The following CYP2R1 variants were observed in gnomAD, a reference collection of about 807,000 sequenced individuals.
The protein encoded by CYP2R1 is cytochrome P450 family 2 subfamily R member 1.
In CYP2R1, 40 loss-of-function variants were observed where a neutral mutation model predicts 45.7. The ratio of observed to expected loss-of-function variants is 0.87; its 90% CI spans 0.68 to 1.14. CYP2R1 has a LOEUF of 1.14. Ranked by LOEUF, CYP2R1 falls within the 50% of genes most tolerant of loss-of-function variation. The probability of loss-of-function intolerance (pLI) is 0.00; values close to 1 mark genes in which losing one functional copy is unlikely to be tolerated. For missense variants in CYP2R1, 605 were observed against 602.6 expected, an observed-to-expected ratio of 1.00 and a Z score of -0.04; for synonymous variants, 234 against 219.3, an observed-to-expected ratio of 1.07 and a Z score of -0.59.
chr11:14,888,308 C>G lies in CYP2R1; in HGVS notation c.226-2391G>C, dbSNP rs1848696048. On this transcript the variant is annotated intron_variant, in intron 1 of 4. Coordinates refer to ENST00000334636, the MANE Select transcript of CYP2R1 (RefSeq NM_024514.5). ...ACTGCTATATCTCTAGCACCTAGGACAGTGCACAGCATATGACAATAGAAA... is the reference window on the plus strand; with the variant it reads ...ACTGCTATATCTCTAGCACCTAGGAGAGTGCACAGCATATGACAATAGAAA... 3.3e-5 allele frequency among the ~76,000 whole-genome samples: 5 copies of G among 152,304 alleles called. 1 individual carries two copies. In the South Asian group the frequency reaches 1.0e-3, roughly 32 times the overall value.
chr11:14,880,187 TG>T lies in CYP2R1; in HGVS notation c.948del (p.Asn317MetfsTer26). 1 of 1,612,972 alleles carries T rather than the reference TG, an allele frequency of 6.2e-7. No individual in the cohort carries two copies. Among genetic ancestry groups the T allele is most frequent in the Non-Finnish European group, 8.5e-7 (1 of 1,179,342 alleles). ...AAAAGAATCGCCCACCGTAGCACAT[TG>T]GTTGTAGTTTCAGTTCCAGCAATGA... ...ELIIAGTETT[T>X]NVLRWAILFM... On this transcript the variant is annotated frameshift_variant, in exon 3 of 5. Transcript: ENST00000334636. LOFTEE classifies it high-confidence loss of function.
chr11:14,880,530 A>T lies in CYP2R1; in HGVS notation c.606T>A (p.Tyr202Ter), dbSNP rs782443909. 1 of 1,613,542 alleles carries T rather than the reference A, an allele frequency of 6.2e-7. No individual in the cohort carries two copies. Among genetic ancestry groups the T allele is most frequent in the South Asian group, 1.1e-5 (1 of 91,068 alleles). ...TCATGTGCTGAAAATCGGTGTCTTC[A>T]TAAGTGAATCGTTCTCCAAAAATGA... is the stretch of plus-strand genomic sequence containing the variant. ...NLIIFGERFT[Y>*]EDTDFQHMIE... Residue 202 changes from tyrosine (Y) to a stop codon, truncating the protein, a stop_gained, in exon 3 of 5, where the codon TAT becomes TAA. Transcript: ENST00000334636. LOFTEE classifies it high-confidence loss of function.
At chr11:14,890,490 G>C (rs1204046119) in intron 1 of CYP2R1, 26 of 934,992 alleles carry the variant, frequency 2.8e-5, no homozygotes, top group Non-Finnish European at 3.3e-5. Context: ...ACCATGAAAG[G>C]AACGTAAACC....
chr11:14,885,698 G>A, intron 2 of CYP2R1, 78 bp downstream of exon 2: 3 of 1,431,172 alleles, frequency 2.1e-6, no homozygotes, highest in Non-Finnish European at 2.9e-6. Context: ...AATCCCAACT[G>A]TATGCACTAA....
In CYP2R1 at chr11:14,878,218, A is replaced by G; in HGVS notation, c.1410T>C (p.His470=). ...GAACTAGTTCATGTGGAAAATGCAA[A>G]TGAAACCTCTGAAGCAATGCTGTAA... ...LFFTALLQRF[H]LHFPHELVPD... The change falls in exon 5 of 5, where the codon CAT becomes CAC. Residue 470 remains histidine, a synonymous_variant. Coordinates refer to ENST00000334636, the MANE Select transcript of CYP2R1 (RefSeq NM_024514.5). 2 of 1,613,312 alleles carry G rather than the reference A, an allele frequency of 1.2e-6. No homozygotes were observed. Among genetic ancestry groups the G allele is most frequent in the East Asian group, 2.2e-5 (1 of 44,872 alleles).
At chr11:14,891,905 A>G in intron 1 of CYP2R1, 76 bp downstream of exon 1, 4 of 1,536,036 alleles carry the variant, frequency 2.6e-6, no homozygotes, top group Non-Finnish European at 3.5e-6. Flanking sequence ...GGCGGCCATA[A>G]GTCCAACCAG....
rs1848226877 is a variant in CYP2R1 at position 14,878,179 on chromosome 11, G to A, written c.1449C>T (p.Pro483=). ...GGGGCTGCAATGTCATGCCTAACCT[G>A]GGCTTCAGATCTGGAACTAGTTCAT... ...FPHELVPDLK[P]RLGMTLQPQP... is the part of the protein sequence containing the mutation. The change falls in exon 5 of 5, where the codon CCC becomes CCT. Residue 483 remains proline, a synonymous_variant. Transcript: ENST00000334636. 1 of 1,613,086 alleles carries A rather than the reference G, an allele frequency of 6.2e-7. No homozygotes were observed. Among genetic ancestry groups the A allele is most frequent in the Non-Finnish European group, 8.5e-7 (1 of 1,179,468 alleles).
At chr11:14,887,572 G>A in intron 1 of CYP2R1, 7 of 982,540 alleles carry the variant, frequency 7.1e-6, no homozygotes, top group Non-Finnish European at 8.5e-6. Flanking sequence ...TGCCAATTAT[G>A]GGCTAATTAT....
chr11:14,882,502 G>A lies in CYP2R1; in HGVS notation c.368-1734C>T, dbSNP rs372351876. Reference sequence around the variant, plus strand: ...ACACAAGAAGGTACAGAGGAGCACTGTTTATAAAAACCCTACACTGGCCAA... The same window carrying A: ...ACACAAGAAGGTACAGAGGAGCACTATTTATAAAAACCCTACACTGGCCAA... On this transcript the variant is annotated intron_variant, in intron 2 of 4. Coordinates refer to ENST00000334636, the MANE Select transcript of CYP2R1 (RefSeq NM_024514.5). 2.6e-5 allele frequency among the ~76,000 whole-genome samples: 4 copies of A among 152,108 alleles called. No homozygotes were observed. The East Asian group carries it at 7.7e-4, about 29-fold the overall frequency.
Position 14,883,529 on chromosome 11 carries a change from T to G in CYP2R1, c.367+2247A>C, listed in dbSNP as rs1297553900. On this transcript the variant is annotated intron_variant, in intron 2 of 4. Transcript: ENST00000334636. Reference sequence around the variant, plus strand: ...CCTTCCTTACACCTTATACAAAAATTAATTCAAGATGGATTAAAGACTTAA... The same window carrying G: ...CCTTCCTTACACCTTATACAAAAATGAATTCAAGATGGATTAAAGACTTAA... 2.2e-4 allele frequency among the ~76,000 whole-genome samples: 34 copies of G among 151,208 alleles called. 1 individual carries two copies. The highest frequency in any genetic ancestry group is 4.3e-4 in the Non-Finnish European group (29 of 67,406).
At chr11:14,891,626 A>T in intron 1 of CYP2R1, 6 of 1,088,162 alleles carry the variant, frequency 5.5e-6, no homozygotes, top group Non-Finnish European at 6.7e-6. Flanking sequence ...AGACGCCCGC[A>T]CCTGAGGGCA....
chr11:14,891,717 G>C, intron 1 of CYP2R1: 1 of 1,266,424 alleles, frequency 7.9e-7, no homozygotes, highest in Non-Finnish European at 1.0e-6. Flanking sequence ...TCGAGCGGTA[G>C]CGGGAAAATC....
At chr11:14,891,803 G>A (rs782739401) in intron 1 of CYP2R1, 178 bp downstream of exon 1, 259 of 1,408,644 alleles carry the variant, frequency 1.8e-4, no homozygotes, top group Non-Finnish European at 2.4e-4. Flanking sequence ...AAGGGGGCAC[G>A]GCGTCGAGGA....
At chr11:14,887,147 G>C (rs1269493806) in intron 1 of CYP2R1, 1 of 152,234 alleles carries the variant, frequency 6.6e-6, no homozygotes, top group Non-Finnish European at 1.5e-5. Context: ...TCGCAGAAGG[G>C]AACTTTAGCA....
Position 14,892,094 on chromosome 11 carries a change from C to A in CYP2R1, c.112G>T (p.Gly38Cys). 3 of 1,611,638 alleles carry A rather than the reference C, an allele frequency of 1.9e-6. No homozygotes were observed. The highest frequency in any genetic ancestry group is 2.5e-6 in the Non-Finnish European group (3 of 1,179,650). The part of the protein sequence containing the change: ...RQLLKQRRPM[G>C]FPPGPPGLPF... Reference sequence around the variant, plus strand: ...AGCCCCGGCGGCCCCGGGGGGAAGCCCATCGGCCGCCTCTGCTTCAGCAGC... The same window carrying A: ...AGCCCCGGCGGCCCCGGGGGGAAGCACATCGGCCGCCTCTGCTTCAGCAGC... The change falls in exon 1 of 5, where the codon GGC becomes TGC. Residue 38 changes from glycine to cysteine, a missense_variant. Transcript: ENST00000334636.
At chr11:14,883,508 C>A (rs1209581244) in intron 2 of CYP2R1, among the ~76,000 whole-genome samples, 1 of 150,982 alleles carries the variant, frequency 6.6e-6, no homozygotes, top group Admixed American at 6.6e-5. Flanking sequence ...TGGATCCCTT[C>A]CTTACACCTT....
chr11:14,879,141 T>C lies in CYP2R1; in HGVS notation c.1303A>G (p.Lys435Glu), dbSNP rs782683028. ...FLDSSGYFAK[K>E]EALVPFSLGR... ...AGGGAAAAAGGAACCAAAGCTTCCTTCTTGGCAAAATATCCACTGCTGTCC... is the reference window on the plus strand; with the variant it reads ...AGGGAAAAAGGAACCAAAGCTTCCTCCTTGGCAAAATATCCACTGCTGTCC... Residue 435 changes from lysine (K) to glutamate (E), a missense_variant, in exon 4 of 5, where the codon AAG becomes GAG. Coordinates refer to ENST00000334636, the MANE Select transcript of CYP2R1 (RefSeq NM_024514.5). 9 of 1,613,192 alleles carry C rather than the reference T, an allele frequency of 5.6e-6. No homozygotes were observed. The highest frequency in any genetic ancestry group is 8.5e-7 in the Non-Finnish European group (1 of 1,179,456).
At chr11:14,890,016 C>G in intron 1 of CYP2R1, among the ~76,000 whole-genome samples, 1 of 152,050 alleles carries the variant, frequency 6.6e-6, no homozygotes, top group East Asian at 1.9e-4. Context: ...GTGGTCCCAG[C>G]TACTCGGGAG....
chr11:14,891,291 G>T (rs1298511454), intron 1 of CYP2R1: 1 of 985,292 alleles, frequency 1.0e-6, no homozygotes, highest in Non-Finnish European at 1.2e-6. Flanking sequence ...AGTTGGCAGT[G>T]ACAGTGGCAC....
Sources: gnomAD v4.1 joint callset for allele counts (sites outside exome capture counted in the v4.1 genomes callset) on GRCh38, gnomAD v4.1.1 for gene constraint, MANE v1.5 for transcripts, NCBI Gene and HGNC (gene_info 2026-07-23, HGNC 2026-07-21) for gene names.